Variants in SAP130 observed in about 807,000 individuals in gnomAD.
SAP130 encodes the protein histone deacetylase complex subunit SAP130.
SAP130 carries 16 observed loss-of-function variants against 103.2 expected under a neutral mutation model. The ratio of observed to expected loss-of-function variants is 0.16; its 90% CI spans 0.10 to 0.24. The LOEUF is 0.24. SAP130 is among the 10% of genes least tolerant of loss of function. The pLI, the probability that SAP130 is intolerant of heterozygous loss-of-function variation, is 1.00. For missense variants in SAP130, 990 were observed against 1,359.7 expected, an observed-to-expected ratio of 0.73 and a Z score of 4.28; for synonymous variants, 477 against 497.0, an observed-to-expected ratio of 0.96 and a Z score of 0.53.
At chr2:127,994,181 A>G (rs1410803836) in intron 11 of SAP130, among the ~76,000 whole-genome samples, 1 of 152,250 alleles carries the variant, frequency 6.6e-6, no homozygotes, top group African/African-American at 2.4e-5. Flanking sequence ...TTTAAAACCT[A>G]AAAGATAAAA....
chr2:128,017,087 T>C (rs140100112), intron 3 of SAP130, among the ~76,000 whole-genome samples: 1,966 of 152,330 alleles, frequency 0.013, 23 homozygotes, highest in Admixed American at 0.022. Context: ...TCTGGGAAGC[T>C]AAGGCGGGCA....
intron 15 of SAP130, among the ~76,000 whole-genome samples, chr2:127,968,492 C>G (rs1395321810): frequency 1.3e-5 from 2 of 149,148 alleles, no homozygotes; most frequent in Non-Finnish European, 3.0e-5. Context: ...CGCACCACCG[C>G]ACTCCAGCCT....
At chr2:127,969,799 G>C (rs1680937028) in intron 15 of SAP130, among the ~76,000 whole-genome samples, 1 of 152,116 alleles carries the variant, frequency 6.6e-6, no homozygotes, top group African/African-American at 2.4e-5. Context: ...CTTTTTCTAA[G>C]AATACTAGTC....
intron 15 of SAP130, among the ~76,000 whole-genome samples, chr2:127,962,693 A>C (rs934062757): frequency 7.2e-6 from 1 of 139,238 alleles, no homozygotes; most frequent in Non-Finnish European, 1.6e-5. Context: ...ACACATGGAC[A>C]CAGGAAGGGG....
chr2:128,013,725 CA>C (rs1220097642), intron 5 of SAP130, among the ~76,000 whole-genome samples: 1 of 152,114 alleles, frequency 6.6e-6, no homozygotes, highest in Non-Finnish European at 1.5e-5. Flanking sequence ...AATTTCTAGT[CA>C]AAATTCATTT....
chr2:127,957,654 C>T lies in SAP130; in HGVS notation c.2064-2310G>A, dbSNP rs888383237. Reference sequence around the variant, plus strand: ...TGGCACCACTGAACTCCAGCCACAACAGAGCGAGACCCTGCCTCTTAAAAA... The same window carrying T: ...TGGCACCACTGAACTCCAGCCACAATAGAGCGAGACCCTGCCTCTTAAAAA... On this transcript the variant is annotated intron_variant, in intron 15 of 20. Coordinates refer to ENST00000643581, the MANE Select transcript of SAP130 (RefSeq NM_001330301.2). 1.5e-4 allele frequency among the ~76,000 whole-genome samples: 23 copies of T among 148,894 alleles called. 1 individual carries two copies. The highest frequency in any genetic ancestry group is 1.5e-5 in the Non-Finnish European group (1 of 67,544).
intron 1 of SAP130, among the ~76,000 whole-genome samples, chr2:128,027,641 G>GCCCGCGCT (rs1685621740): frequency 8.8e-5 from 2 of 22,844 alleles, no homozygotes; most frequent in South Asian, 3.8e-3. Flanking sequence ...CCGCCCGCCC[G>GCCCGCGCT]CCCGCGCTCC....
chr2:128,013,171 G>T lies in SAP130; in HGVS notation c.620-17C>A. The stretch of plus-strand genomic sequence containing the variant: ...CAGCTGCACCTGAAAAAAAAAAAGT[G>T]TTTATTATATTTATTCTAGTTATAT... On this transcript the variant is annotated splice_polypyrimidine_tract_variant and intron_variant, in intron 5 of 20. Transcript: ENST00000643581. 6.3e-7 allele frequency: 1 copy of T among 1,580,224 alleles called. No homozygotes were observed. Among genetic ancestry groups the T allele is most frequent in the Non-Finnish European group, 8.6e-7 (1 of 1,166,160 alleles).
At chr2:128,013,960 TCAC>T (rs1021227957) in intron 5 of SAP130, among the ~76,000 whole-genome samples, 38 of 152,172 alleles carry the variant, frequency 2.5e-4, no homozygotes, top group Admixed American at 1.3e-4. Context: ...GTAAAGATCA[TCAC>T]TGAACTTTAA....
At position 128,026,270 on chromosome 2, in the gene SAP130, C is replaced by A. The variant is rs755754356; in HGVS notation, c.23G>T (p.Arg8Leu). 1.2e-6 allele frequency: 2 copies of A among 1,614,002 alleles called. No individual in the cohort carries two copies. Among genetic ancestry groups the A allele is most frequent in the Non-Finnish European group, 1.7e-6 (2 of 1,179,910 alleles). The part of the protein sequence containing the change: MSSQQFP[R>L]LGAPSTGLSQ... ...CAGCCCGGTAGAAGGGGCTCCTAAC[C>A]GAGGAAACTGTTGAGAACTCATTTC... Residue 8 changes from arginine to leucine, a missense_variant, in exon 2 of 21, where the codon CGG becomes CTG. Physicochemically the swap from Arg to Leu is moderately radical, Grantham distance 102 (BLOSUM62 -2). Coordinates refer to ENST00000643581, the MANE Select transcript of SAP130 (RefSeq NM_001330301.2).
At chr2:127,979,339 T>C (rs1681698600) in intron 14 of SAP130, among the ~76,000 whole-genome samples, 1 of 152,162 alleles carries the variant, frequency 6.6e-6, no homozygotes, top group Non-Finnish European at 1.5e-5. Context: ...ACTGGAACTA[T>C]AAGATAATAC....
chr2:127,949,693 T>C (rs1022725172), intron 18 of SAP130, among the ~76,000 whole-genome samples, 176 bp downstream of exon 18: 2 of 152,198 alleles, frequency 1.3e-5, no homozygotes, highest in African/African-American at 4.8e-5. Flanking sequence ...CAAAGGGTAA[T>C]TTTCTAGGTT....
At position 127,941,822 on chromosome 2, in the gene SAP130, A is replaced by T; in HGVS notation, c.*184T>A. On this transcript the variant is annotated 3_prime_UTR_variant, in exon 21 of 21. Transcript: ENST00000643581. Reference sequence around the variant, plus strand: ...GCACCCGAACGCAAGAAGGCAGCTCACTATGTCCAGTCAGCTCTGATCCTT... The same window carrying T: ...GCACCCGAACGCAAGAAGGCAGCTCTCTATGTCCAGTCAGCTCTGATCCTT... 1.7e-6 allele frequency: 1 copy of T among 596,820 alleles called. No individual in the cohort carries two copies. Among genetic ancestry groups the T allele is most frequent in the Non-Finnish European group, 2.9e-6 (1 of 345,916 alleles). 37.0% of individuals were successfully genotyped at this position (596,820 alleles called of 1,614,324 possible).
intron 10 of SAP130, 138 bp downstream of exon 10, chr2:127,999,603 A>G (rs972448023): frequency 4.3e-6 from 2 of 465,070 alleles, no homozygotes; most frequent in Non-Finnish European, 7.5e-6. Context: ...GACTTAAGGA[A>G]AGAAAAAGAA....
Position 127,953,799 on chromosome 2 carries a change from A to C in SAP130, c.2422+1187T>G. ...GGCTTTCTCCTAAAACTCTTTACAC[A>C]CATTCCAGCCCTGGCTACAGCTTTC... On this transcript the variant is annotated intron_variant, in intron 16 of 20. Coordinates refer to ENST00000643581, the MANE Select transcript of SAP130 (RefSeq NM_001330301.2). The surrounding 1 kb of genome is among the most constrained non-coding windows in gnomAD (Gnocchi z 4.0). Among the ~76,000 whole-genome samples the C allele has an allele frequency of 6.6e-6, 1 of 152,136 alleles. No individual in the cohort carries two copies.
chr2:127,942,605 G>T lies in SAP130; in HGVS notation c.2902-68C>A. The T allele has an allele frequency of 1.1e-6, 1 of 895,142 alleles. No individual in the cohort carries two copies. The highest frequency in any genetic ancestry group is 1.9e-6 in the Non-Finnish European group (1 of 537,070). 55.4% of individuals were successfully genotyped at this position (895,142 alleles called of 1,614,324 possible). On this transcript the variant is annotated intron_variant, in intron 19 of 20. Transcript: ENST00000643581. The surrounding 1 kb of genome is among the most constrained non-coding windows in gnomAD (Gnocchi z 4.8). Reference sequence around the variant, plus strand: ...TTTTCTATGTCAACCCCAGGCAAATGAACCCACCTTCAATCACCTTTGTAA... The same window carrying T: ...TTTTCTATGTCAACCCCAGGCAAATTAACCCACCTTCAATCACCTTTGTAA...
Position 128,015,589 on chromosome 2 carries a change from C to T in SAP130, c.508-675G>A, listed in dbSNP as rs118105614. Among the ~76,000 whole-genome samples the T allele has an allele frequency of 7.6e-4, 116 of 152,202 alleles. 2 individuals carry two copies. In the East Asian group the frequency reaches 0.01, roughly 13 times the overall value. ...AATATTTAATTAATCAGGTACACAG[C>T]AGAGTAGGATTGCAAAATTTCACAA... On this transcript the variant is annotated intron_variant, in intron 4 of 20. Coordinates refer to ENST00000643581, the MANE Select transcript of SAP130 (RefSeq NM_001330301.2).
At chr2:128,009,053 CCT>C (rs759560777) in intron 7 of SAP130, among the ~76,000 whole-genome samples, 6 of 152,112 alleles carry the variant, frequency 3.9e-5, no homozygotes, top group Non-Finnish European at 8.8e-5. Flanking sequence ...TGTCCTCCAC[CCT>C]GTTAGGTATA....
intron 15 of SAP130, among the ~76,000 whole-genome samples, chr2:127,971,286 C>CTT (rs70985494): frequency 3.8e-5 from 4 of 104,338 alleles, no homozygotes; most frequent in Non-Finnish European, 6.2e-5. Flanking sequence ...TTTTTCATTT[C>CTT]TTTTTTTTTT....
Sources: allele counts gnomAD v4.1 joint callset (sites outside exome capture counted in the v4.1 genomes callset), GRCh38; gene constraint gnomAD v4.1.1; non-coding constraint Gnocchi (gnomAD v3.1); transcripts MANE v1.5; gene names NCBI Gene and HGNC (gene_info 2026-07-23, HGNC 2026-07-21).